Variants in CRPPA observed in about 807,000 individuals in gnomAD.
CRPPA encodes CDP-L-ribitol pyrophosphorylase A, also known as D-ribitol-5-phosphate cytidylyltransferase.
CRPPA carries 43 observed loss-of-function variants against 52.0 expected under a neutral mutation model. The observed-to-expected ratio is 0.83, with a 90% CI of 0.65 to 1.07. The LOEUF is 1.07. Among genes scored for constraint, CRPPA ranks in the 50% least tolerant of loss-of-function variants. CRPPA has a pLI of 0.00. For missense variants in CRPPA, 629 were observed against 551.7 expected, an observed-to-expected ratio of 1.14 and a Z score of -1.40; for synonymous variants, 250 against 203.5, an observed-to-expected ratio of 1.23 and a Z score of -1.94.
chr7:16,249,517 G>T (rs1470440135), intron 8 of CRPPA, among the ~76,000 whole-genome samples: 1 of 152,182 alleles, frequency 6.6e-6, no homozygotes, highest in East Asian at 1.9e-4. Context: ...CTGGGACAAA[G>T]CTTCCAGAGG....
At chr7:16,156,497 C>T (rs2128380557) in intron 9 of CRPPA, among the ~76,000 whole-genome samples, 1 of 152,316 alleles carries the variant, frequency 6.6e-6, no homozygotes, top group Admixed American at 6.5e-5. Flanking sequence ...CTGGTGACAT[C>T]TCTGTAACTT....
At chr7:16,120,460 T>C (rs539971633) in intron 9 of CRPPA, among the ~76,000 whole-genome samples, 1 of 152,160 alleles carries the variant, frequency 6.6e-6, no homozygotes, top group African/African-American at 2.4e-5. Flanking sequence ...ATCATTGTAC[T>C]ATATAGATGT....
intron 9 of CRPPA, among the ~76,000 whole-genome samples, chr7:16,156,864 C>T (rs949777228): frequency 1.3e-5 from 2 of 152,058 alleles, no homozygotes; most frequent in Non-Finnish European, 2.9e-5. Context: ...TTAGGGGGCT[C>T]ATAGATCACC....
At chr7:16,104,459 A>C (rs1782108132) in intron 9 of CRPPA, among the ~76,000 whole-genome samples, 1 of 152,234 alleles carries the variant, frequency 6.6e-6, no homozygotes. Context: ...GATGCTTTTG[A>C]GTACAACTAG....
At position 16,332,039 on chromosome 7, in the gene CRPPA, A is replaced by G. The variant is rs138924390; in HGVS notation, c.685-23412T>C. 2.5e-3 allele frequency among the ~76,000 whole-genome samples: 381 copies of G among 152,300 alleles called. 1 individual carries two copies. Among genetic ancestry groups the G allele is most frequent in the Non-Finnish European group, 4.4e-3 (299 of 68,010 alleles). On this transcript the variant is annotated intron_variant, in intron 3 of 9. Coordinates refer to ENST00000407010, the MANE Select transcript of CRPPA (RefSeq NM_001101426.4). ...AAACAATTCTACCTAGGCATATTAT[A>G]CTCAAACTACAGAAAATCAGAAAGA...
chr7:16,178,585 G>A (rs1180349195), intron 9 of CRPPA, among the ~76,000 whole-genome samples: 1 of 151,972 alleles, frequency 6.6e-6, no homozygotes, highest in Non-Finnish European at 1.5e-5. Flanking sequence ...TCATTTCACT[G>A]TATCTCTCTT....
chr7:16,260,122 G>A lies in CRPPA; in HGVS notation c.934-1110C>T, dbSNP rs115835389. 5.6e-3 allele frequency among the ~76,000 whole-genome samples: 854 copies of A among 152,104 alleles called. 10 individuals carry two copies. The highest frequency in any genetic ancestry group is 0.019 in the African/African-American group (778 of 41,536). ...ATTCTGCGATAGTAAGTTTGATCAA[G>A]TGGTAACATCTAGATATTACAGGGA... is the stretch of plus-strand genomic sequence containing the variant. On this transcript the variant is annotated intron_variant, in intron 6 of 9. Transcript: ENST00000407010.
At chr7:16,349,999 C>A (rs1157761164) in intron 3 of CRPPA, among the ~76,000 whole-genome samples, 1 of 151,838 alleles carries the variant, frequency 6.6e-6, no homozygotes, top group Admixed American at 6.6e-5. Context: ...TTGAAAGCAG[C>A]AAGGGAAACC....
At chr7:16,201,588 T>C (rs967452954) in intron 9 of CRPPA, among the ~76,000 whole-genome samples, 3 of 152,164 alleles carry the variant, frequency 2.0e-5, no homozygotes, top group Non-Finnish European at 4.4e-5. Context: ...TCCCTTACTT[T>C]GTCTCCAGTG....
At chr7:16,162,122 C>CA (rs1438860999) in intron 9 of CRPPA, among the ~76,000 whole-genome samples, 5 of 151,864 alleles carry the variant, frequency 3.3e-5, no homozygotes, top group African/African-American at 4.8e-5. Context: ...TAATCTTTTC[C>CA]AAAAACCAGC....
intron 9 of CRPPA, among the ~76,000 whole-genome samples, chr7:16,126,768 A>C (rs553246659): frequency 6.6e-5 from 10 of 152,280 alleles, no homozygotes; most frequent in Non-Finnish European, 1.3e-4. Context: ...AAAGGAAGAC[A>C]GAAATACAGA....
chr7:16,110,898 A>C (rs1782249191), intron 9 of CRPPA, among the ~76,000 whole-genome samples: 1 of 152,164 alleles, frequency 6.6e-6, no homozygotes. Flanking sequence ...CTCAGATTGG[A>C]CTACATAAGT....
intron 4 of CRPPA, among the ~76,000 whole-genome samples, chr7:16,302,250 T>C (rs1030997237): frequency 1.0e-4 from 13 of 129,962 alleles, no homozygotes; most frequent in African/African-American, 3.3e-4. Flanking sequence ...GTGCCGAGAT[T>C]GCGCCACTGC....
In CRPPA at chr7:16,421,095, G is replaced by A; in HGVS notation, c.228C>T (p.Leu76=). 1.5e-6 allele frequency: 2 copies of A among 1,298,884 alleles called. No individual in the cohort carries two copies. The highest frequency in any genetic ancestry group is 2.0e-6 in the Non-Finnish European group (2 of 1,016,508). The allele number at this position is 1,298,884 out of a possible 1,614,324, so 80.5% of individuals were successfully genotyped here. ...CCAGGGCCTGTAGGGTGTAGCTGAT[G>A]AGCGGCCTCTCCAGGATGGGGCAGA... ...KQFCPILERP[L]ISYTLQALER... Residue 76 remains leucine (L), a synonymous_variant, in exon 1 of 10, where the codon CTC becomes CTT. Transcript: ENST00000407010.
chr7:16,308,683 C>G, intron 3 of CRPPA, 56 bp from the exon 4 acceptor site: 1 of 1,045,308 alleles, frequency 9.6e-7, no homozygotes, highest in Non-Finnish European at 1.5e-6. Context: ...TTAAGTAAAA[C>G]CAAGCCTTTT....
chr7:16,400,728 C>G (rs1278063702), intron 2 of CRPPA, among the ~76,000 whole-genome samples: 2 of 152,218 alleles, frequency 1.3e-5, no homozygotes, highest in Admixed American at 6.5e-5. Flanking sequence ...TGACACGTGA[C>G]CAACACCTGT....
At chr7:16,300,048 G>C (rs556614206) in intron 5 of CRPPA, among the ~76,000 whole-genome samples, 2 of 152,274 alleles carry the variant, frequency 1.3e-5, no homozygotes, top group East Asian at 3.9e-4. Flanking sequence ...CTTTTCCAGA[G>C]TAATGTTTAC....
intron 2 of CRPPA, among the ~76,000 whole-genome samples, chr7:16,379,605 A>T (rs1787016860): frequency 6.6e-6 from 1 of 152,152 alleles, no homozygotes; most frequent in Non-Finnish European, 1.5e-5. Context: ...CACAATATTG[A>T]TTCCTCCTAC....
In CRPPA at chr7:16,171,418, C is replaced by T. The variant is rs181553630; in HGVS notation, c.1251+44648G>A. ...TTTTAAACTCAAAATTTTTCCAACT[C>T]ACTAAATAGGTCTAAAAGTATTTTC... On this transcript the variant is annotated intron_variant, in intron 9 of 9. Coordinates refer to ENST00000407010, the MANE Select transcript of CRPPA (RefSeq NM_001101426.4). 5.9e-4 allele frequency among the ~76,000 whole-genome samples: 90 copies of T among 152,202 alleles called. No homozygotes were observed. The East Asian group carries it at 0.014, about 24-fold the overall frequency.
Sources: allele counts gnomAD v4.1 joint callset (sites outside exome capture counted in the v4.1 genomes callset), GRCh38; gene constraint gnomAD v4.1.1; transcripts MANE v1.5; gene names NCBI Gene and HGNC (gene_info 2026-07-23, HGNC 2026-07-21).